The following EXOC6 variants were observed in gnomAD, a reference collection of about 807,000 sequenced individuals.
EXOC6 encodes the protein exocyst complex component 6, also known as SEC15-like 1.
EXOC6 carries 60 observed loss-of-function variants against 112.5 expected under a neutral mutation model. The ratio of observed to expected loss-of-function variants is 0.53; its 90% CI spans 0.43 to 0.66. The LOEUF is 0.66. Ranked by LOEUF, EXOC6 falls within the 30% of genes least tolerant of loss-of-function variation. The pLI, the probability that EXOC6 is intolerant of heterozygous loss-of-function variation, is 0.00. For synonymous variants in EXOC6, 295 were observed against 308.0 expected, an observed-to-expected ratio of 0.96 and a Z score of 0.44; for missense variants, 855 against 957.1, an observed-to-expected ratio of 0.89 and a Z score of 1.41.
intron 1 of EXOC6, among the ~76,000 whole-genome samples, chr10:92,869,814 A>G (rs888328972): frequency 2.6e-5 from 4 of 152,102 alleles, no homozygotes; most frequent in African/African-American, 9.7e-5. Context: ...CTTAAACCTT[A>G]GATTGCTTTC....
intron 18 of EXOC6, among the ~76,000 whole-genome samples, chr10:92,980,104 A>G (rs770934426): frequency 1.3e-5 from 2 of 152,226 alleles, no homozygotes; most frequent in Non-Finnish European, 1.5e-5. Flanking sequence ...AGTATCTTCA[A>G]TTAGAATAAT....
At chr10:92,876,592 G>C (rs920283680) in intron 1 of EXOC6, among the ~76,000 whole-genome samples, 5 of 152,082 alleles carry the variant, frequency 3.3e-5, no homozygotes, top group African/African-American at 1.2e-4. Flanking sequence ...AAAAAGAGAG[G>C]GTTTAAAGAA....
intron 13 of EXOC6, 51 bp from the exon 14 acceptor site, chr10:92,948,223 T>C (rs774748023): frequency 2.5e-6 from 3 of 1,203,696 alleles, no homozygotes; most frequent in South Asian, 1.4e-5. Flanking sequence ...CTTTTAGTAC[T>C]CTAATAATAT....
intron 1 of EXOC6, among the ~76,000 whole-genome samples, chr10:92,836,086 T>C (rs1328174161): frequency 6.6e-6 from 1 of 152,234 alleles, no homozygotes; most frequent in Non-Finnish European, 1.5e-5. Context: ...GCTAGGTGGC[T>C]AAGTCTAAGT....
intron 1 of EXOC6, among the ~76,000 whole-genome samples, chr10:92,852,345 AG>A (rs1847391791): frequency 1.3e-5 from 2 of 152,226 alleles, no homozygotes; most frequent in Admixed American, 1.3e-4. Flanking sequence ...ATTGAAGAGG[AG>A]GGAATATTTC....
chr10:92,949,927 C>A (rs528265508), intron 14 of EXOC6, among the ~76,000 whole-genome samples: 38 of 152,172 alleles, frequency 2.5e-4, no homozygotes, highest in African/African-American at 8.9e-4. Context: ...AATGACTGAG[C>A]CTGTGTGGGC....
chr10:92,896,847 C>T (rs6583845), intron 4 of EXOC6, among the ~76,000 whole-genome samples: 61,851 of 151,884 alleles, frequency 0.41, 13,117 homozygotes, highest in African/African-American at 0.51. Flanking sequence ...TAAGCCACTG[C>T]GCCTGGCCTG....
At chr10:92,835,613 T>TGA (rs1491365812) in intron 1 of EXOC6, among the ~76,000 whole-genome samples, 1 of 150,690 alleles carries the variant, frequency 6.6e-6, no homozygotes, top group African/African-American at 2.4e-5. Flanking sequence ...TGTGTGTGTG[T>TGA]GACCTCTTCA....
chr10:92,969,329 A>G (rs1842192739), intron 17 of EXOC6, among the ~76,000 whole-genome samples: 1 of 152,190 alleles, frequency 6.6e-6, no homozygotes, highest in African/African-American at 2.4e-5. Context: ...GGAAGCCTCC[A>G]GATGATTCTA....
At position 92,915,745 on chromosome 10, in the gene EXOC6, C is replaced by T. The variant is rs368074997; in HGVS notation, c.664-13C>T. On this transcript the variant is annotated splice_polypyrimidine_tract_variant and intron_variant, in intron 6 of 21. Transcript: ENST00000260762. The stretch of plus-strand genomic sequence containing the variant: ...GTTTTGAAATAATCTGAATTTCTCT[C>T]TCTTCAAAATAGGCACAGCATCAGA... 1.3e-6 allele frequency: 2 copies of T among 1,494,836 alleles called. No homozygotes were observed. The highest frequency in any genetic ancestry group is 1.5e-5 in the African/African-American group (1 of 68,108). 92.6% of individuals were successfully genotyped at this position (1,494,836 alleles called of 1,614,324 possible).
At chr10:92,973,902 G>T (rs1842395733) in intron 17 of EXOC6, 151 bp from the exon 18 acceptor site, 2 of 616,738 alleles carry the variant, frequency 3.2e-6, no homozygotes, top group South Asian at 2.2e-5. Flanking sequence ...ATAGAGTACT[G>T]CCAGAAAAAA....
At chr10:92,832,440 G>A (rs1359008722), upstream of EXOC6, among the ~76,000 whole-genome samples, 2 of 152,082 alleles carry the variant, frequency 1.3e-5, no homozygotes, top group African/African-American at 2.4e-5. Context: ...ACCACAGCCG[G>A]CTAATTTTTT....
At chr10:92,907,226 T>G (rs6583847) in intron 5 of EXOC6, among the ~76,000 whole-genome samples, 44,727 of 152,050 alleles carry the variant, frequency 0.29, 6,999 homozygotes, top group African/African-American at 0.4. Flanking sequence ...AGAGCAAATA[T>G]GAGGGTGAGT....
At chr10:92,928,469 C>G (rs1283773839) in intron 9 of EXOC6, 47 bp downstream of exon 9, 1 of 1,139,898 alleles carries the variant, frequency 8.8e-7, no homozygotes, top group Non-Finnish European at 1.3e-6. Flanking sequence ...CTTTTTATCC[C>G]CTTACCCTGT....
intron 16 of EXOC6, 86 bp downstream of exon 16, chr10:92,954,827 T>C: frequency 1.6e-6 from 1 of 631,786 alleles, no homozygotes; most frequent in East Asian, 2.8e-5. Flanking sequence ...TCTGTAAAAC[T>C]AGCTTCCTGT....
chr10:92,955,650 A>G lies in EXOC6; in HGVS notation c.1709A>G (p.Asn570Ser). The G allele has an allele frequency of 6.2e-7, 1 of 1,610,618 alleles. No individual in the cohort carries two copies. The highest frequency in any genetic ancestry group is 8.5e-7 in the Non-Finnish European group (1 of 1,177,262). Reference sequence around the variant, plus strand: ...AAATATCTTGAGGACTTTATAACTAACATTACAAATATTTCCCAAGAAACT... The same window carrying G: ...AAATATCTTGAGGACTTTATAACTAGCATTACAAATATTTCCCAAGAAACT... ...ACKYLEDFIT[N>S]ITNISQETVH... The change falls in exon 17 of 22, where the codon AAC becomes AGC. Residue 570 changes from asparagine (N) to serine (S), a missense_variant. This residue lies in a region of EXOC6 where 450 missense variants were observed against 563.5 expected (regional missense o/e 0.80). Coordinates refer to ENST00000260762, the MANE Select transcript of EXOC6 (RefSeq NM_019053.6).
chr10:92,931,460 A>G (rs996495905), intron 9 of EXOC6, among the ~76,000 whole-genome samples: 3 of 151,794 alleles, frequency 2.0e-5, no homozygotes, highest in Non-Finnish European at 4.4e-5. Context: ...ACATATATAT[A>G]TAATGTGTAA....
chr10:92,870,231 G>A (rs1848383393), intron 1 of EXOC6, among the ~76,000 whole-genome samples: 1 of 152,058 alleles, frequency 6.6e-6, no homozygotes, highest in Non-Finnish European at 1.5e-5. Flanking sequence ...TGGGATTATA[G>A]GCATGAGCCA....
At chr10:92,946,163 G>A (rs1276860975) in intron 13 of EXOC6, among the ~76,000 whole-genome samples, 1 of 152,108 alleles carries the variant, frequency 6.6e-6, no homozygotes, top group Non-Finnish European at 1.5e-5. Flanking sequence ...GGGCGTGGTG[G>A]CCGGCGCCTG....
Sources: gnomAD v4.1 joint callset for allele counts (sites outside exome capture counted in the v4.1 genomes callset) on GRCh38, gnomAD v4.1.1 for gene constraint, gnomAD v4.1.1 regional missense constraint, MANE v1.5 for transcripts, NCBI Gene and HGNC (gene_info 2026-07-23, HGNC 2026-07-21) for gene names.